ZNF93: variants seen among roughly 807,000 people sequenced by gnomAD.
The protein encoded by ZNF93 is zinc finger protein 93.
A neutral mutation model predicts 45.0 loss-of-function variants in ZNF93; 29 were observed. That is an observed-to-expected ratio of 0.64 (90% confidence interval 0.48 to 0.88). The LOEUF is 0.88. Ranked by LOEUF, ZNF93 falls within the 40% of genes least tolerant of loss-of-function variation. The probability of loss-of-function intolerance (pLI) is 0.00; values close to 1 mark genes in which losing one functional copy is unlikely to be tolerated. For missense variants in ZNF93, 578 were observed against 724.0 expected, an observed-to-expected ratio of 0.80 and a Z score of 2.31; for synonymous variants, 223 against 244.6, an observed-to-expected ratio of 0.91 and a Z score of 0.82.
At chr19:19,912,952 TC>T (rs1189859876) in intron 1 of ZNF93, among the ~76,000 whole-genome samples, 1 of 152,234 alleles carries the variant, frequency 6.6e-6, no homozygotes, top group Non-Finnish European at 1.5e-5. Context: ...ATTGCTGTCT[TC>T]TGTTTCCTCT....
intron 3 of ZNF93, among the ~76,000 whole-genome samples, chr19:19,919,497 T>G (rs2063336391): frequency 6.6e-6 from 1 of 152,256 alleles, no homozygotes; most frequent in African/African-American, 2.4e-5. Context: ...AAGAAAGTCA[T>G]TGGTAGCTTG....
At chr19:19,924,210 C>T (rs1351891944) in intron 3 of ZNF93, among the ~76,000 whole-genome samples, 2 of 152,066 alleles carry the variant, frequency 1.3e-5, no homozygotes, top group Non-Finnish European at 2.9e-5. Context: ...GCCTCAGCCT[C>T]CAGAGTAGCT....
At chr19:19,927,398 A>C (rs989769570) in intron 3 of ZNF93, 3 of 389,180 alleles carry the variant, frequency 7.7e-6, no homozygotes, top group Non-Finnish European at 1.4e-5. Flanking sequence ...GTATATTCAC[A>C]TTGTTATGCA....
chr19:19,911,446 T>C (rs947234011), intron 1 of ZNF93, among the ~76,000 whole-genome samples: 8 of 152,354 alleles, frequency 5.3e-5, no homozygotes, highest in Admixed American at 1.3e-4. Flanking sequence ...GGTACCCCGA[T>C]GACAGCTTCT....
chr19:19,932,485 A>G (rs2063377877), intron 3 of ZNF93: 1 of 152,190 alleles, frequency 6.6e-6, no homozygotes, highest in African/African-American at 2.4e-5. Context: ...TATTTTGCAT[A>G]ATGTCATCAA....
chr19:19,933,484 G>T lies in ZNF93; in HGVS notation c.529G>T (p.Glu177Ter), dbSNP rs1205534377. The T allele has an allele frequency of 6.2e-7, 1 of 1,605,916 alleles. No homozygotes were observed. Among genetic ancestry groups the T allele is most frequent in the East Asian group, 2.2e-5 (1 of 44,812 alleles). Reference sequence around the variant, plus strand: ...TGAAAAAAAACCTTTCAAATGCATAGAATGTGGCAAAGCTTTTAACCAGTT... The same window carrying T: ...TGAAAAAAAACCTTTCAAATGCATATAATGTGGCAAAGCTTTTAACCAGTT... Reference protein sequence around the residue: ...HTEKKPFKCIECGKAFNQFST... With the variant: ...HTEKKPFKCI Residue 177 changes from glutamate (E) to a stop codon, truncating the protein, a stop_gained, in exon 4 of 4, where the codon GAA becomes TAA. Transcript: ENST00000343769. LOFTEE classifies it high-confidence loss of function.
rs35098061 is a variant in ZNF93, at chr19:19,910,650, C to CT, written c.4-4614dup. 1.8e-3 allele frequency among the ~76,000 whole-genome samples: 250 copies of CT among 138,184 alleles called. 1 individual carries two copies. The highest frequency in any genetic ancestry group is 3.8e-3 in the Middle Eastern group (1 of 264). 90.7% of individuals were successfully genotyped at this position (138,184 alleles called of 152,430 possible). A position where few individuals can be genotyped will look rare whatever the true frequency, so the allele number is the denominator to read the frequency against. On this transcript the variant is annotated intron_variant, in intron 1 of 3. Coordinates refer to ENST00000343769, the MANE Select transcript of ZNF93 (RefSeq NM_031218.4). ...TCTACTTATATTCATGTTCTTTCAG[C>CT]TTTTTTTTTTTTTTTTCATGTAGAC...
Position 19,933,583 on chromosome 19 carries a change from T to C in ZNF93, c.628T>C (p.Phe210Leu). 2 of 1,607,856 alleles carry C rather than the reference T, an allele frequency of 1.2e-6. No homozygotes were observed. The highest frequency in any genetic ancestry group is 1.7e-6 in the Non-Finnish European group (2 of 1,177,690). ...CATTTGTGAAGAATGTGGCAAAGCC[T>C]TTAAGTACTCCTCTGCCCTTAATAC... Reference protein sequence around the residue: ...PYICEECGKAFKYSSALNTHK... With the variant: ...PYICEECGKALKYSSALNTHK... The change falls in exon 4 of 4, where the codon TTT (phenylalanine) becomes CTT (leucine). Residue 210 changes from phenylalanine to leucine, a missense_variant. Phe to Leu is a conservative substitution (Grantham distance 22). This residue lies in a region of ZNF93 where 446 missense variants were observed against 547.6 expected (regional missense o/e 0.81). Coordinates refer to ENST00000343769, the MANE Select transcript of ZNF93 (RefSeq NM_031218.4).
At chr19:19,929,386 G>A (rs1481448928) in intron 3 of ZNF93, among the ~76,000 whole-genome samples, 1 of 152,070 alleles carries the variant, frequency 6.6e-6, no homozygotes, top group Non-Finnish European at 1.5e-5. Flanking sequence ...TTTTTTGGTT[G>A]TTATTTTTTA....
At chr19:19,929,743 C>T (rs1273325168) in intron 3 of ZNF93, among the ~76,000 whole-genome samples, 1 of 151,328 alleles carries the variant, frequency 6.6e-6, no homozygotes, top group Non-Finnish European at 1.5e-5. Context: ...TCGAGACCAT[C>T]CCGGCTAAAA....
At chr19:19,912,052 T>C (rs748676085) in intron 1 of ZNF93, among the ~76,000 whole-genome samples, 3 of 152,176 alleles carry the variant, frequency 2.0e-5, no homozygotes, top group African/African-American at 4.8e-5. Context: ...CTTGGCCGTA[T>C]ATTTTCTATT....
At chr19:19,909,294 G>C (rs930076895) in intron 1 of ZNF93, 1 of 152,272 alleles carries the variant, frequency 6.6e-6, no homozygotes, top group Non-Finnish European at 1.5e-5. Context: ...GAGTGCTGTA[G>C]CCCAGTGCCA....
intron 3 of ZNF93, among the ~76,000 whole-genome samples, chr19:19,929,395 T>C (rs2063365653): frequency 6.6e-6 from 1 of 152,236 alleles, no homozygotes; most frequent in African/African-American, 2.4e-5. Flanking sequence ...TGTTATTTTT[T>C]ACCTGAATTT....
At chr19:19,906,538 C>T (rs1228770504) in intron 1 of ZNF93, among the ~76,000 whole-genome samples, 1 of 152,104 alleles carries the variant, frequency 6.6e-6, no homozygotes, top group Non-Finnish European at 1.5e-5. Context: ...TTAAATAGGT[C>T]CCATTTGTCA....
chr19:19,924,885 C>T (rs893716670), intron 3 of ZNF93, among the ~76,000 whole-genome samples: 18 of 152,244 alleles, frequency 1.2e-4, no homozygotes, highest in Non-Finnish European at 1.9e-4. Flanking sequence ...GGCACCCCGC[C>T]TGGCCCAACT....
chr19:19,932,039 G>T, intron 3 of ZNF93: 1 of 344,940 alleles, frequency 2.9e-6, no homozygotes, highest in Non-Finnish European at 5.6e-6. Flanking sequence ...ACTTTGGGAG[G>T]CCAAGGTGGG....
rs1247280608 is a variant in ZNF93, at chr19:19,934,652, G to T, written c.1697G>T (p.Arg566Ile). ...KILHTGEKPY[R>I]CRECGKAFNH... Reference sequence around the variant, plus strand: ...CTTCATACTGGAGAGAAACCTTATAGATGTAGAGAATGTGGCAAAGCTTTT... The same window carrying T: ...CTTCATACTGGAGAGAAACCTTATATATGTAGAGAATGTGGCAAAGCTTTT... Residue 566 changes from arginine to isoleucine, a missense_variant, in exon 4 of 4, where the codon AGA becomes ATA. Physicochemically the swap from Arg to Ile is moderately conservative, Grantham distance 97 (BLOSUM62 -3). Coordinates refer to ENST00000343769, the MANE Select transcript of ZNF93 (RefSeq NM_031218.4). The T allele has an allele frequency of 6.2e-7, 1 of 1,613,040 alleles. No homozygotes were observed. Among genetic ancestry groups the T allele is most frequent in the South Asian group, 1.1e-5 (1 of 90,986 alleles).
intron 3 of ZNF93, among the ~76,000 whole-genome samples, chr19:19,923,844 T>TC (rs2063348565): frequency 6.6e-6 from 1 of 152,162 alleles, no homozygotes; most frequent in East Asian, 1.9e-4. Flanking sequence ...GAAAGAGAAT[T>TC]CCCTGATCCC....
chr19:19,910,934 T>C (rs939727410), intron 1 of ZNF93, among the ~76,000 whole-genome samples: 2 of 152,212 alleles, frequency 1.3e-5, no homozygotes, highest in Admixed American at 1.3e-4. Context: ...AGTGTGGCTC[T>C]TTGAGATTTT....
Sources: gnomAD v4.1 joint callset for allele counts (sites outside exome capture counted in the v4.1 genomes callset) on GRCh38, gnomAD v4.1.1 for gene constraint, gnomAD v4.1.1 regional missense constraint, MANE v1.5 for transcripts, NCBI Gene and HGNC (gene_info 2026-07-23, HGNC 2026-07-21) for gene names.